The following DPP10 variants were observed in gnomAD, a reference collection of about 807,000 sequenced individuals.
DPP10 encodes the protein dipeptidyl peptidase like 10, also known as inactive dipeptidyl peptidase 10.
DPP10 carries 33 observed loss-of-function variants against 120.9 expected under a neutral mutation model. The observed-to-expected ratio is 0.27, with a 90% CI of 0.21 to 0.37. DPP10 has a LOEUF of 0.37. Ranked by LOEUF, DPP10 falls within the 10% of genes least tolerant of loss-of-function variation. The pLI, the probability that DPP10 is intolerant of heterozygous loss-of-function variation, is 1.00. For missense variants in DPP10, 816 were observed against 942.8 expected, an observed-to-expected ratio of 0.87 and a Z score of 1.76; for synonymous variants, 337 against 326.1, an observed-to-expected ratio of 1.03 and a Z score of -0.36.
In DPP10 at chr2:115,768,379, A is replaced by G. The variant is rs1274579811; in HGVS notation, c.1196A>G (p.His399Arg). The stretch of plus-strand genomic sequence containing the variant: ...AAGCAAGGGGGACGTGGAGAATTTC[A>G]CCACGTAGCTATGTTCCTCATCCAG... ...PVKQGGRGEFHHVAMFLIQSK... is the reference protein window; with the variant it reads ...PVKQGGRGEFRHVAMFLIQSK... Residue 399 changes from histidine to arginine, a missense_variant, in exon 13 of 26, where the codon CAC (histidine) becomes CGC (arginine). This residue lies in a region of DPP10 where 592 missense variants were observed against 649.0 expected (regional missense o/e 0.91). Transcript: ENST00000410059. 6.2e-7 allele frequency: 1 copy of G among 1,613,476 alleles called. No individual in the cohort carries two copies. The highest frequency in any genetic ancestry group is 8.5e-7 in the Non-Finnish European group (1 of 1,179,562).
intron 1 of DPP10, among the ~76,000 whole-genome samples, chr2:114,457,626 C>T (rs757461716): frequency 3.3e-5 from 5 of 152,112 alleles, no homozygotes; most frequent in East Asian, 1.9e-4. Flanking sequence ...GGAATCTGGG[C>T]GGAGAGTTAG....
intron 1 of DPP10, among the ~76,000 whole-genome samples, chr2:114,777,674 TC>T (rs1297616772): frequency 1.3e-5 from 2 of 152,076 alleles, no homozygotes. Flanking sequence ...AATCCTCATC[TC>T]AAAGCTTCTA....
At chr2:114,732,272 A>G (rs1676994849) in intron 1 of DPP10, among the ~76,000 whole-genome samples, 1 of 152,234 alleles carries the variant, frequency 6.6e-6, no homozygotes, top group African/African-American at 2.4e-5. Flanking sequence ...AACTGGACAC[A>G]CGACTACAAT....
intron 1 of DPP10, among the ~76,000 whole-genome samples, chr2:114,755,069 A>G (rs1574111741): frequency 6.6e-6 from 1 of 152,230 alleles, no homozygotes; most frequent in East Asian, 1.9e-4. Context: ...GATCATATTT[A>G]TCTTTTCTTA....
intron 3 of DPP10, among the ~76,000 whole-genome samples, chr2:115,368,998 T>C (rs1289754236): frequency 6.6e-6 from 1 of 151,980 alleles, no homozygotes. Flanking sequence ...TCACTAATAA[T>C]ATAATTTACT....
chr2:115,840,362 C>T (rs1000322380), intron 24 of DPP10, among the ~76,000 whole-genome samples: 6 of 107,956 alleles, frequency 5.6e-5, no homozygotes, highest in Admixed American at 1.5e-4. Context: ...CTTGCTCTGT[C>T]GCCCAGGCTG....
chr2:114,619,381 A>ATGTGTGTGTGTG (rs71998520), intron 1 of DPP10, among the ~76,000 whole-genome samples: 31 of 146,368 alleles, frequency 2.1e-4, no homozygotes, highest in African/African-American at 7.7e-4. Flanking sequence ...ATATATACAT[A>ATGTGTGTGTGTG]TGTGTGTGTG....
At chr2:115,667,996 A>G (rs966989671) in intron 5 of DPP10, among the ~76,000 whole-genome samples, 2 of 152,106 alleles carry the variant, frequency 1.3e-5, no homozygotes, top group African/African-American at 4.8e-5. Flanking sequence ...TATGTGTCAT[A>G]TATAAGCTTA....
chr2:115,515,721 G>C (rs575924484), intron 4 of DPP10, among the ~76,000 whole-genome samples: 3 of 152,022 alleles, frequency 2.0e-5, no homozygotes, highest in African/African-American at 7.2e-5. Flanking sequence ...ATGAATGAAT[G>C]TAAAGGAAGA....
At chr2:115,598,850 G>C (rs1424607063) in intron 5 of DPP10, among the ~76,000 whole-genome samples, 2 of 147,288 alleles carry the variant, frequency 1.4e-5, no homozygotes, top group Middle Eastern at 3.8e-3. Flanking sequence ...TTTTTGGAGT[G>C]TAGGTTTGAC....
intron 2 of DPP10, among the ~76,000 whole-genome samples, chr2:115,334,096 C>T (rs1448804942): frequency 6.6e-6 from 1 of 151,638 alleles, no homozygotes; most frequent in African/African-American, 2.4e-5. Context: ...GAGAACTTCC[C>T]CAACCTAGCA....
At chr2:114,481,251 A>G (rs1276263971) in intron 1 of DPP10, among the ~76,000 whole-genome samples, 1 of 152,128 alleles carries the variant, frequency 6.6e-6, no homozygotes, top group Non-Finnish European at 1.5e-5. Flanking sequence ...CTTCAAATGA[A>G]CAGAAGACAT....
At chr2:115,684,702 CTCTTTTT>C (rs1193968110) in intron 5 of DPP10, among the ~76,000 whole-genome samples, 3 of 151,888 alleles carry the variant, frequency 2.0e-5, no homozygotes, top group Non-Finnish European at 2.9e-5. Context: ...GGATACACTG[CTCTTTTT>C]TCTTTTAAGC....
At chr2:115,448,412 G>T (rs2072812501) in intron 3 of DPP10, among the ~76,000 whole-genome samples, 1 of 152,142 alleles carries the variant, frequency 6.6e-6, no homozygotes, top group Non-Finnish European at 1.5e-5. Flanking sequence ...CTTTAATGTA[G>T]CGGGAGGTAG....
intron 21 of DPP10, among the ~76,000 whole-genome samples, chr2:115,816,080 CTATT>C (rs1366164501): frequency 6.6e-6 from 1 of 151,888 alleles, no homozygotes; most frequent in Admixed American, 6.6e-5. Context: ...AATTCAGTAA[CTATT>C]TATTGGGCAG....
intron 5 of DPP10, among the ~76,000 whole-genome samples, chr2:115,663,143 T>TACAA (rs1326223843): frequency 6.6e-6 from 1 of 152,172 alleles, no homozygotes; most frequent in East Asian, 1.9e-4. Flanking sequence ...TCCTTTGAGT[T>TACAA]ACAAACAATC....
intron 1 of DPP10, among the ~76,000 whole-genome samples, chr2:114,516,725 G>A (rs544690004): frequency 3.7e-4 from 57 of 152,214 alleles, no homozygotes; most frequent in African/African-American, 1.4e-3. Flanking sequence ...AGTTTAAACT[G>A]GTTTACCACA....
At chr2:115,410,498 G>A (rs2068866203) in intron 3 of DPP10, among the ~76,000 whole-genome samples, 1 of 152,170 alleles carries the variant, frequency 6.6e-6, no homozygotes, top group African/African-American at 2.4e-5. Flanking sequence ...GGGAGAGCAT[G>A]AGGAAGAACA....
chr2:114,658,883 T>C (rs753513759), intron 1 of DPP10, among the ~76,000 whole-genome samples: 144 of 152,338 alleles, frequency 9.5e-4, no homozygotes, highest in Admixed American at 2.4e-3. Context: ...CATCCTGAAT[T>C]GTAATCCCTG....
Sources: gnomAD v4.1 joint callset for allele counts (sites outside exome capture counted in the v4.1 genomes callset) on GRCh38, gnomAD v4.1.1 for gene constraint, gnomAD v4.1.1 regional missense constraint, MANE v1.5 for transcripts, NCBI Gene and HGNC (gene_info 2026-07-23, HGNC 2026-07-21) for gene names.